The following CELSR1 variants were observed in gnomAD, a reference collection of about 807,000 sequenced individuals.
CELSR1 encodes adhesion G protein-coupled receptor C1.
Under a neutral mutation model 249.1 loss-of-function variants are expected in CELSR1, and 110 were observed. The ratio of observed to expected loss-of-function variants is 0.44; its 90% CI spans 0.38 to 0.52. CELSR1 has a LOEUF of 0.52. Among genes scored for constraint, CELSR1 ranks in the 20% least tolerant of loss-of-function variants. The pLI, the probability that CELSR1 is intolerant of heterozygous loss-of-function variation, is 0.00. For synonymous variants in CELSR1, 2,113 were observed against 1,900.0 expected (o/e 1.11, Z -2.92); for missense variants, 4,109 against 4,296.4 (o/e 0.96, Z 1.22).
At chr22:46,426,534 C>T (rs906851591) in intron 5 of CELSR1, among the ~76,000 whole-genome samples, 8 of 152,102 alleles carry the variant, frequency 5.3e-5, no homozygotes, top group African/African-American at 1.9e-4. Flanking sequence ...ATTCATTCCA[C>T]TCGCGGGAGA....
chr22:46,390,353 C>T lies in CELSR1; in HGVS notation c.6345+39G>A, dbSNP rs759200265. On this transcript the variant is annotated intron_variant, in intron 17 of 34. Transcript: ENST00000674500. The surrounding 1 kb of genome is among the most constrained non-coding windows in gnomAD (Gnocchi z 6.3). ...TCTCTCACGCATACACGAACACACACGTGCCCCTGCTGAACACACATCCCC... is the reference window on the plus strand; with the variant it reads ...TCTCTCACGCATACACGAACACACATGTGCCCCTGCTGAACACACATCCCC... The T allele has an allele frequency of 1.7e-5, 26 of 1,504,212 alleles. No individual in the cohort carries two copies. In the Middle Eastern group the frequency reaches 5.3e-4, roughly 31 times the overall value. 93.2% of individuals were successfully genotyped at this position (1,504,212 alleles called of 1,614,324 possible). A position where few individuals can be genotyped will look rare whatever the true frequency, so the allele number is the denominator to read the frequency against.
intron 5 of CELSR1, among the ~76,000 whole-genome samples, chr22:46,418,570 G>A (rs2079429657): frequency 1.3e-5 from 2 of 150,758 alleles, no homozygotes; most frequent in African/African-American, 2.4e-5. Flanking sequence ...AAAGCAGCAA[G>A]TAAGCAACTC....
At chr22:46,365,725 C>A (rs376642404) in intron 30 of CELSR1, 36 bp from the exon 31 acceptor site, 18 of 1,501,690 alleles carry the variant, frequency 1.2e-5, no homozygotes, top group Non-Finnish European at 1.4e-5. Flanking sequence ...CAGTATCATC[C>A]GTCAGGGAAC....
At chr22:46,367,907 C>T (rs1434541489) in intron 27 of CELSR1, 52 bp from the exon 28 acceptor site, 54 of 1,555,652 alleles carry the variant, frequency 3.5e-5, no homozygotes, top group Non-Finnish European at 4.5e-5. Context: ...CTGCTCCCTT[C>T]CTCCCTCCCT....
In CELSR1 at chr22:46,398,685, T is replaced by G. The variant is rs2079178731; in HGVS notation, c.5413-48A>C. On this transcript the variant is annotated intron_variant, in intron 10 of 34. Transcript: ENST00000674500. The surrounding 1 kb of genome is among the most constrained non-coding windows in gnomAD (Gnocchi z 7.2). ...GATCTGGGGGCTGCATCCACCATCCTAGAAACGTCTCTCAGATGGGAAGGA... is the reference window on the plus strand; with the variant it reads ...GATCTGGGGGCTGCATCCACCATCCGAGAAACGTCTCTCAGATGGGAAGGA... 7.0e-7 allele frequency: 1 copy of G among 1,437,006 alleles called. No individual in the cohort carries two copies. Among genetic ancestry groups the G allele is most frequent in the Admixed American group, 2.0e-5 (1 of 50,784 alleles). The allele number at this position is 1,437,006 out of a possible 1,614,324, so 89.0% of individuals were successfully genotyped here.
At position 46,411,043 on chromosome 22, in the gene CELSR1, A is replaced by G. The variant is rs1465907020; in HGVS notation, c.4770-482T>C. Among the ~76,000 whole-genome samples, 1 of 152,134 alleles carries G rather than the reference A, an allele frequency of 6.6e-6. No homozygotes were observed. The highest frequency in any genetic ancestry group is 2.4e-5 in the African/African-American group (1 of 41,422). On this transcript the variant is annotated intron_variant, in intron 6 of 34. Coordinates refer to ENST00000674500, the MANE Select transcript of CELSR1 (RefSeq NM_001378328.1). The surrounding 1 kb of genome is among the most constrained non-coding windows in gnomAD (Gnocchi z 4.2). The stretch of plus-strand genomic sequence containing the variant: ...CAACAGGATGGTGTCTACTAAAAAT[A>G]CAAAAATTAGCTGGGCGTGGTGGTG...
At chr22:46,400,557 A>AGG (rs2079200299) in intron 9 of CELSR1, among the ~76,000 whole-genome samples, 1 of 152,036 alleles carries the variant, frequency 6.6e-6, no homozygotes, top group Non-Finnish European at 1.5e-5. Context: ...GAATCGCTTG[A>AGG]ACCTGGGAGT....
At chr22:46,492,242 T>C (rs1459245919) in intron 1 of CELSR1, among the ~76,000 whole-genome samples, 1 of 152,242 alleles carries the variant, frequency 6.6e-6, no homozygotes, top group African/African-American at 2.4e-5. Flanking sequence ...GTTCACAGGC[T>C]AGTCTCATTT....
chr22:46,439,806 C>T (rs550493556), intron 2 of CELSR1, among the ~76,000 whole-genome samples: 323 of 152,278 alleles, frequency 2.1e-3, no homozygotes, highest in Non-Finnish European at 3.4e-3. Flanking sequence ...GGCCCCTCCC[C>T]ACACCTATGC....
chr22:46,445,052 C>T lies in CELSR1; in HGVS notation c.4184-5641G>A, dbSNP rs1281051162. Among the ~76,000 whole-genome samples the T allele has an allele frequency of 6.6e-6, 1 of 151,870 alleles. No homozygotes were observed. Among genetic ancestry groups the T allele is most frequent in the Non-Finnish European group, 1.5e-5 (1 of 67,998 alleles). ...ACCCAATCTCTACTACAAAAATTAA[C>T]CGGCGTGGTGGCAAGCGCCTGTAAT... On this transcript the variant is annotated intron_variant, in intron 2 of 34. Transcript: ENST00000674500. This position sits in a 1 kb window ranked among gnomAD's most constrained non-coding sequence, Gnocchi z 4.4.
chr22:46,386,297 C>T lies in CELSR1; in HGVS notation c.6739+105G>A, dbSNP rs2079032543. The T allele has an allele frequency of 7.8e-6, 10 of 1,282,558 alleles. No homozygotes were observed. The South Asian group carries it at 1.2e-4, about 15-fold the overall frequency. 79.4% of individuals were successfully genotyped at this position (1,282,558 alleles called of 1,614,324 possible). Reference sequence around the variant, plus strand: ...ACAATCATTTTTCTAAGAGCATGGCCAAGGGGGGGCCGGGAGCCCACCTGC... The same window carrying T: ...ACAATCATTTTTCTAAGAGCATGGCTAAGGGGGGGCCGGGAGCCCACCTGC... On this transcript the variant is annotated intron_variant, in intron 19 of 34. Coordinates refer to ENST00000674500, the MANE Select transcript of CELSR1 (RefSeq NM_001378328.1).
At chr22:46,462,645 C>CAA (rs10541493) in intron 2 of CELSR1, 50 of 164,834 alleles carry the variant, frequency 3.0e-4, no homozygotes, top group South Asian at 9.2e-4. Flanking sequence ...AGAGAGCTTT[C>CAA]AAAAAAAAAA....
intron 17 of CELSR1, among the ~76,000 whole-genome samples, chr22:46,389,842 C>T (rs2079070302): frequency 6.6e-6 from 1 of 150,648 alleles, no homozygotes; most frequent in South Asian, 2.1e-4. Flanking sequence ...TAAGTCCCAA[C>T]TACCAGGGAG....
In CELSR1 at chr22:46,429,054, G is replaced by A. The variant is rs2079565988; in HGVS notation, c.4611+4339C>T. On this transcript the variant is annotated intron_variant, in intron 5 of 34. Coordinates refer to ENST00000674500, the MANE Select transcript of CELSR1 (RefSeq NM_001378328.1). The surrounding 1 kb of genome is among the most constrained non-coding windows in gnomAD (Gnocchi z 4.1). ...CTGGAACAAGGTGGGGTCTAAACGT[G>A]ATCCCCGCAGGCAGCCTCAGGGAAG... 6.6e-6 allele frequency among the ~76,000 whole-genome samples: 1 copy of A among 152,130 alleles called. No individual in the cohort carries two copies. The highest frequency in any genetic ancestry group is 2.1e-4 in the South Asian group (1 of 4,828).
rs764396979 is a variant in CELSR1, at chr22:46,463,936, G to A, written c.3954C>T (p.Cys1318=). 1.9e-5 allele frequency: 31 copies of A among 1,614,032 alleles called. No homozygotes were observed. The highest frequency in any genetic ancestry group is 1.2e-4 in the South Asian group (11 of 91,086). The change falls in exon 2 of 35, where the codon TGC becomes TGT. Residue 1318 remains cysteine (C), a synonymous_variant. Coordinates refer to ENST00000674500, the MANE Select transcript of CELSR1 (RefSeq NM_001378328.1). ...LREPCENYMK[C]VSVLRFDSSA... ...AGCTGTCGAATCGCAGAACGGACACGCACTTCATGTAGTTCTCGCAGGGCT... is the reference window on the plus strand; with the variant it reads ...AGCTGTCGAATCGCAGAACGGACACACACTTCATGTAGTTCTCGCAGGGCT...
Position 46,362,025 on chromosome 22 carries a change from T to C in CELSR1, c.*1198A>G, listed in dbSNP as rs1225777628. On this transcript the variant is annotated 3_prime_UTR_variant, in exon 35 of 35. Coordinates refer to ENST00000674500, the MANE Select transcript of CELSR1 (RefSeq NM_001378328.1). ...GCCATTTGAAGCAAAATGAAGTAAT[T>C]GGTCAGACTCCAGAGGGGAGAACCC... 6.6e-6 allele frequency: 1 copy of C among 152,226 alleles called. No homozygotes were observed. Among genetic ancestry groups the C allele is most frequent in the Non-Finnish European group, 1.5e-5 (1 of 68,048 alleles). 9.4% of individuals were successfully genotyped at this position (152,226 alleles called of 1,614,324 possible). A position where few individuals can be genotyped will look rare whatever the true frequency, so the allele number is the denominator to read the frequency against.
chr22:46,506,052 A>G lies in CELSR1; in HGVS notation c.3544+27575T>C, dbSNP rs2080511260. Among the ~76,000 whole-genome samples the G allele has an allele frequency of 6.6e-6, 1 of 151,644 alleles. No individual in the cohort carries two copies. On this transcript the variant is annotated intron_variant, in intron 1 of 34. Transcript: ENST00000674500. The surrounding 1 kb of genome is among the most constrained non-coding windows in gnomAD (Gnocchi z 4.1). ...AAATTAGCAGGGCATGGTGGCAGGCACCTGTAATCCCAGCTACTCGGGAGG... is the reference window on the plus strand; with the variant it reads ...AAATTAGCAGGGCATGGTGGCAGGCGCCTGTAATCCCAGCTACTCGGGAGG...
intron 5 of CELSR1, among the ~76,000 whole-genome samples, chr22:46,421,834 G>C: frequency 6.6e-6 from 1 of 152,246 alleles, no homozygotes; most frequent in East Asian, 1.9e-4. Flanking sequence ...ACACCTGCTG[G>C]GGCTGGAGAA....
intron 1 of CELSR1, among the ~76,000 whole-genome samples, chr22:46,489,204 T>C (rs890705156): frequency 1.3e-5 from 2 of 151,846 alleles, no homozygotes; most frequent in African/African-American, 4.8e-5. Flanking sequence ...GCCAACAAAC[T>C]GTTCTTGTCC....
Sources: allele counts gnomAD v4.1 joint callset (sites outside exome capture counted in the v4.1 genomes callset), GRCh38; gene constraint gnomAD v4.1.1; non-coding constraint Gnocchi (gnomAD v3.1); transcripts MANE v1.5; gene names NCBI Gene and HGNC (gene_info 2026-07-23, HGNC 2026-07-21).